Variants in FHIT observed in about 807,000 individuals in gnomAD.
FHIT encodes fragile histidine triad diadenosine triphosphatase.
FHIT carries 19 observed loss-of-function variants against 17.9 expected under a neutral mutation model. That is an observed-to-expected ratio of 1.06 (90% CI 0.74 to 1.56). The LOEUF is 1.56. Among genes scored for constraint, FHIT ranks in the 40% most tolerant of loss-of-function variants. The probability of loss-of-function intolerance (pLI) is 0.00; values close to 1 mark genes in which losing one functional copy is unlikely to be tolerated. For synonymous variants in FHIT, 81 were observed against 69.7 expected (o/e 1.16, Z -0.81); for missense variants, 248 against 189.2 (o/e 1.31, Z -1.82).
intron 7 of FHIT, among the ~76,000 whole-genome samples, chr3:60,004,066 G>A (rs988372409): frequency 6.6e-6 from 1 of 152,048 alleles, no homozygotes; most frequent in East Asian, 1.9e-4. Context: ...GTATCCTATA[G>A]CAAAATGACA....
At chr3:59,928,686 T>C (rs1241435111) in intron 7 of FHIT, among the ~76,000 whole-genome samples, 7 of 152,098 alleles carry the variant, frequency 4.6e-5, no homozygotes, top group African/African-American at 1.7e-4. Flanking sequence ...TAACACATAC[T>C]AGGGCAACTG....
chr3:59,992,560 C>G (rs140074694), intron 7 of FHIT, among the ~76,000 whole-genome samples: 1 of 152,154 alleles, frequency 6.6e-6, no homozygotes, highest in African/African-American at 2.4e-5. Context: ...GATCAAACAG[C>G]TGATGATCAA....
chr3:60,154,126 G>T (rs6773713), intron 5 of FHIT, among the ~76,000 whole-genome samples: 79,207 of 152,078 alleles, frequency 0.52, 21,724 homozygotes, highest in Non-Finnish European at 0.6. Flanking sequence ...AACCCACTTA[G>T]GCCTAGTGTT....
chr3:60,224,214 C>G (rs910199116), intron 5 of FHIT, among the ~76,000 whole-genome samples: 1 of 152,108 alleles, frequency 6.6e-6, no homozygotes, highest in Non-Finnish European at 1.5e-5. Context: ...GAAGACAGCA[C>G]TGAGGTTCAC....
intron 5 of FHIT, among the ~76,000 whole-genome samples, chr3:60,329,721 G>A (rs1484213265): frequency 6.6e-6 from 1 of 152,198 alleles, no homozygotes; most frequent in African/African-American, 2.4e-5. Context: ...AACAAAGCCA[G>A]TCAGCTCTGG....
chr3:60,704,404 A>G (rs1443650805), intron 4 of FHIT, among the ~76,000 whole-genome samples: 1 of 152,208 alleles, frequency 6.6e-6, no homozygotes, highest in African/African-American at 2.4e-5. Context: ...ACATTTTAAA[A>G]TATCTTCAAC....
intron 2 of FHIT, among the ~76,000 whole-genome samples, chr3:61,106,650 T>C (rs909014943): frequency 4.6e-5 from 7 of 152,098 alleles, no homozygotes; most frequent in Non-Finnish European, 1.0e-4. Context: ...ATTCATCACA[T>C]CTTTTTGTTT....
chr3:61,148,765 A>C (rs2037299860), intron 2 of FHIT, among the ~76,000 whole-genome samples: 1 of 152,226 alleles, frequency 6.6e-6, no homozygotes, highest in Admixed American at 6.5e-5. Flanking sequence ...GGCAAGGTCT[A>C]ATATTTCCTT....
chr3:60,662,090 G>A (rs781856152), intron 4 of FHIT, among the ~76,000 whole-genome samples: 5 of 151,850 alleles, frequency 3.3e-5, no homozygotes, highest in Non-Finnish European at 7.4e-5. Context: ...TTTGCTTTTC[G>A]TTTCGTAGTC....
chr3:59,911,806 T>A (rs963452754), intron 8 of FHIT, among the ~76,000 whole-genome samples: 3 of 152,110 alleles, frequency 2.0e-5, no homozygotes, highest in Non-Finnish European at 1.5e-5. Context: ...GACCTGAGGA[T>A]TCGGAGAACC....
intron 5 of FHIT, among the ~76,000 whole-genome samples, chr3:60,073,599 T>G (rs1702877468): frequency 6.6e-6 from 1 of 152,106 alleles, no homozygotes; most frequent in African/African-American, 2.4e-5. Context: ...TAACCCCTCA[T>G]CGTTTTCAGC....
At chr3:60,924,014 G>T (rs1358071098) in intron 3 of FHIT, among the ~76,000 whole-genome samples, 2 of 152,124 alleles carry the variant, frequency 1.3e-5, no homozygotes, top group Admixed American at 1.3e-4. Context: ...CTTGGGGAGG[G>T]GCCCCTGCCA....
In FHIT at chr3:61,017,067, G is replaced by A. The variant is rs573515114; in HGVS notation, c.-111+24980C>T. 2.6e-5 allele frequency among the ~76,000 whole-genome samples: 4 copies of A among 152,222 alleles called. 1 individual carries two copies. Among genetic ancestry groups the A allele is most frequent in the African/African-American group, 4.8e-5 (2 of 41,546 alleles). On this transcript the variant is annotated intron_variant, in intron 3 of 9. Coordinates refer to ENST00000492590, the MANE Select transcript of FHIT (RefSeq NM_002012.4). ...TTTGGGAGGCCGAGGTGAGCAGATCGCCTGAGGTCAGGAGTTCAAGACCAG... is the reference window on the plus strand; with the variant it reads ...TTTGGGAGGCCGAGGTGAGCAGATCACCTGAGGTCAGGAGTTCAAGACCAG...
At chr3:60,895,688 T>A (rs1196019544) in intron 3 of FHIT, among the ~76,000 whole-genome samples, 1 of 113,956 alleles carries the variant, frequency 8.8e-6, no homozygotes, top group African/African-American at 2.9e-5. Context: ...CTTTCTTTCT[T>A]TCTTTCTTTC....
chr3:61,009,927 A>G (rs2031692043), intron 3 of FHIT, among the ~76,000 whole-genome samples: 1 of 152,158 alleles, frequency 6.6e-6, no homozygotes, highest in Non-Finnish European at 1.5e-5. Context: ...TCTATTTTGG[A>G]GAGAATTCTA....
At chr3:60,835,170 C>A (rs1293336685) in intron 3 of FHIT, among the ~76,000 whole-genome samples, 1 of 152,076 alleles carries the variant, frequency 6.6e-6, no homozygotes, top group African/African-American at 2.4e-5. Flanking sequence ...ATTGCTCCCA[C>A]TTTATTATTT....
chr3:61,223,536 C>T (rs1396475086), intron 1 of FHIT, among the ~76,000 whole-genome samples: 1 of 152,166 alleles, frequency 6.6e-6, no homozygotes, highest in Non-Finnish European at 1.5e-5. Flanking sequence ...CTTTGGGGTA[C>T]TGAAGTCCCT....
chr3:61,096,996 T>C (rs2035659843), intron 2 of FHIT, among the ~76,000 whole-genome samples: 1 of 143,830 alleles, frequency 7.0e-6, no homozygotes, highest in Non-Finnish European at 1.5e-5. Context: ...GGAGAATCGA[T>C]CAAACCTGGG....
At chr3:60,446,055 G>A (rs1374422223) in intron 5 of FHIT, among the ~76,000 whole-genome samples, 1 of 152,078 alleles carries the variant, frequency 6.6e-6, no homozygotes, top group African/African-American at 2.4e-5. Flanking sequence ...AATGCCTACA[G>A]TACAAGTAGT....
Sources: allele counts gnomAD v4.1 joint callset (sites outside exome capture counted in the v4.1 genomes callset), GRCh38; gene constraint gnomAD v4.1.1; transcripts MANE v1.5; gene names NCBI Gene and HGNC (gene_info 2026-07-23, HGNC 2026-07-21).